Variants in KCNIP4 observed in about 807,000 individuals in gnomAD.
KCNIP4 encodes the protein Kv channel-interacting protein 4.
Under a neutral mutation model 34.0 loss-of-function variants are expected in KCNIP4, and 12 were observed. The ratio of observed to expected loss-of-function variants is 0.35; its 90% CI spans 0.23 to 0.57. KCNIP4 has a LOEUF of 0.57. Among genes scored for constraint, KCNIP4 ranks in the 20% least tolerant of loss-of-function variants. The pLI, the probability that KCNIP4 is intolerant of heterozygous loss-of-function variation, is 0.83. For missense variants in KCNIP4, 238 were observed against 311.7 expected, an observed-to-expected ratio of 0.76 and a Z score of 1.78; for synonymous variants, 124 against 102.2, an observed-to-expected ratio of 1.21 and a Z score of -1.29.
chr4:21,485,347 T>A (rs1034025465), intron 1 of KCNIP4, among the ~76,000 whole-genome samples: 10 of 152,200 alleles, frequency 6.6e-5, no homozygotes, highest in African/African-American at 2.4e-4. Flanking sequence ...TGTCCTAGAA[T>A]GGTCTCTAAA....
intron 1 of KCNIP4, among the ~76,000 whole-genome samples, chr4:21,662,180 C>T (rs1577785182): frequency 6.6e-6 from 1 of 152,272 alleles, no homozygotes; most frequent in East Asian, 1.9e-4. Flanking sequence ...GCAGAGTCAG[C>T]GGTGCCCTGG....
chr4:21,067,497 G>T (rs1314970066), intron 1 of KCNIP4, among the ~76,000 whole-genome samples: 1 of 152,118 alleles, frequency 6.6e-6, no homozygotes, highest in Non-Finnish European at 1.5e-5. Flanking sequence ...GGCATCTCTG[G>T]GTCTGCCCGG....
At chr4:21,787,606 C>T (rs967220134) in intron 1 of KCNIP4, among the ~76,000 whole-genome samples, 2 of 152,188 alleles carry the variant, frequency 1.3e-5, no homozygotes, top group Non-Finnish European at 2.9e-5. Context: ...ATAGTCCTTG[C>T]ACATGGCAGA....
At chr4:21,664,833 C>G (rs538313590) in intron 1 of KCNIP4, among the ~76,000 whole-genome samples, 1 of 152,240 alleles carries the variant, frequency 6.6e-6, no homozygotes, top group Admixed American at 6.5e-5. Context: ...CATTGCACAA[C>G]TTTATGGCAT....
At chr4:21,367,565 T>C (rs1205106225) in intron 1 of KCNIP4, among the ~76,000 whole-genome samples, 1 of 134,058 alleles carries the variant, frequency 7.5e-6, no homozygotes, top group Non-Finnish European at 1.5e-5. Context: ...TCATACATTT[T>C]ATATTGAGAA....
intron 1 of KCNIP4, among the ~76,000 whole-genome samples, chr4:21,495,716 T>G (rs1014393810): frequency 6.6e-6 from 1 of 152,172 alleles, no homozygotes; most frequent in African/African-American, 2.4e-5. Flanking sequence ...GGAGGCTGCT[T>G]AAACAAGTAG....
chr4:21,632,060 T>C (rs375369981), intron 1 of KCNIP4, among the ~76,000 whole-genome samples: 2 of 152,204 alleles, frequency 1.3e-5, no homozygotes, highest in East Asian at 1.9e-4. Flanking sequence ...TTTGAGGACA[T>C]GTACAATTTT....
intron 3 of KCNIP4, among the ~76,000 whole-genome samples, chr4:20,835,210 T>G (rs1042305281): frequency 6.6e-6 from 1 of 152,162 alleles, no homozygotes; most frequent in Non-Finnish European, 1.5e-5. Context: ...TTTCTTTCCA[T>G]CTCTCTGGTT....
intron 1 of KCNIP4, among the ~76,000 whole-genome samples, chr4:21,145,104 A>G (rs1467639828): frequency 6.6e-6 from 1 of 152,224 alleles, no homozygotes; most frequent in Non-Finnish European, 1.5e-5. Flanking sequence ...ATGGCAATTT[A>G]CCAGAAATTT....
intron 1 of KCNIP4, among the ~76,000 whole-genome samples, chr4:21,837,247 G>A (rs1301432372): frequency 6.6e-6 from 1 of 150,512 alleles, no homozygotes; most frequent in Non-Finnish European, 1.5e-5. Context: ...AAAAGAAAGA[G>A]GCATGGCCAA....
intron 1 of KCNIP4, among the ~76,000 whole-genome samples, chr4:21,386,663 G>T (rs1722062551): frequency 1.3e-5 from 2 of 152,144 alleles, no homozygotes; most frequent in Non-Finnish European, 2.9e-5. Flanking sequence ...AGCAGATTCA[G>T]TATAAACAGA....
At chr4:21,240,215 G>A (rs1461466699) in intron 1 of KCNIP4, among the ~76,000 whole-genome samples, 1 of 121,704 alleles carries the variant, frequency 8.2e-6, no homozygotes, top group Non-Finnish European at 1.7e-5. Context: ...CACACACTGG[G>A]GACTGTTGTG....
chr4:20,768,014 T>G (rs1755562565), intron 3 of KCNIP4, among the ~76,000 whole-genome samples: 1 of 152,164 alleles, frequency 6.6e-6, no homozygotes, highest in Admixed American at 6.5e-5. Context: ...AGTATGACAA[T>G]TCAGAGATTC....
chr4:20,804,917 T>A (rs568207295), intron 3 of KCNIP4, among the ~76,000 whole-genome samples: 1 of 152,268 alleles, frequency 6.6e-6, no homozygotes, highest in Non-Finnish European at 1.5e-5. Context: ...TGGTGGTAAA[T>A]CTAACTGACA....
chr4:21,214,516 T>G (rs1191163575), intron 1 of KCNIP4, among the ~76,000 whole-genome samples: 1 of 152,234 alleles, frequency 6.6e-6, no homozygotes, highest in East Asian at 1.9e-4. Context: ...TGATGAATGT[T>G]GGTGATATGT....
intron 1 of KCNIP4, among the ~76,000 whole-genome samples, chr4:21,019,057 C>T (rs1305791327): frequency 2.0e-5 from 3 of 152,156 alleles, no homozygotes; most frequent in Non-Finnish European, 4.4e-5. Context: ...TTGATTTATT[C>T]TGAGGGCTTC....
chr4:21,738,116 TAAATAA>T (rs1716126968), intron 1 of KCNIP4, among the ~76,000 whole-genome samples: 2 of 138,778 alleles, frequency 1.4e-5, no homozygotes, highest in Non-Finnish European at 3.0e-5. Flanking sequence ...AATAAATAAA[TAAATAA>T]ATAAATAAAT....
At chr4:20,856,284 A>G (rs1035982796) in intron 2 of KCNIP4, among the ~76,000 whole-genome samples, 1 of 152,212 alleles carries the variant, frequency 6.6e-6, no homozygotes, top group African/African-American at 2.4e-5. Context: ...CTTTTGAATC[A>G]TTTATAGTGC....
At chr4:20,784,370 G>A (rs146422317) in intron 3 of KCNIP4, among the ~76,000 whole-genome samples, 57 of 152,122 alleles carry the variant, frequency 3.7e-4, no homozygotes, top group African/African-American at 1.2e-3. Context: ...AAACCACACC[G>A]TGAAAGATAA....
Sources: allele counts gnomAD v4.1 joint callset (sites outside exome capture counted in the v4.1 genomes callset), GRCh38; gene constraint gnomAD v4.1.1; transcripts MANE v1.5; gene names NCBI Gene and HGNC (gene_info 2026-07-23, HGNC 2026-07-21).